The following TCF7L2 variants were observed in gnomAD, a reference collection of about 807,000 sequenced individuals.
TCF7L2 encodes transcription factor 7 like 2, also known as transcription factor 7-like 2.
Under a neutral mutation model 77.9 loss-of-function variants are expected in TCF7L2, and 23 were observed. The ratio of observed to expected loss-of-function variants is 0.30; its 90% CI spans 0.21 to 0.42. TCF7L2 has a LOEUF of 0.42. TCF7L2 is among the 10% of genes least tolerant of loss of function. The pLI is 1.00. For synonymous variants in TCF7L2, 413 were observed against 340.2 expected (o/e 1.21, Z -2.36); for missense variants, 654 against 793.1 (o/e 0.82, Z 2.11).
At chr10:113,053,428 G>A (rs924100838) in intron 5 of TCF7L2, among the ~76,000 whole-genome samples, 6 of 152,130 alleles carry the variant, frequency 3.9e-5, no homozygotes, top group South Asian at 2.1e-4. Context: ...CCTGCTGGGC[G>A]CAGGCGTGTG....
At chr10:113,050,664 C>T (rs1564827460) in intron 5 of TCF7L2, among the ~76,000 whole-genome samples, 1 of 152,064 alleles carries the variant, frequency 6.6e-6, no homozygotes, top group Admixed American at 6.5e-5. Flanking sequence ...AGGTAGCAGC[C>T]CCCTTCAGCC....
chr10:113,030,913 T>G (rs2050098821), intron 4 of TCF7L2, among the ~76,000 whole-genome samples: 1 of 152,178 alleles, frequency 6.6e-6, no homozygotes, highest in Non-Finnish European at 1.5e-5. Context: ...CCTCTTTTGG[T>G]CACTATGGAA....
intron 5 of TCF7L2, among the ~76,000 whole-genome samples, chr10:113,106,638 G>A (rs999222663): frequency 5.9e-5 from 9 of 152,150 alleles, no homozygotes; most frequent in African/African-American, 1.7e-4. Flanking sequence ...AAAGGTTAAC[G>A]AGAAAGCAGT....
intron 5 of TCF7L2, among the ~76,000 whole-genome samples, chr10:113,083,797 A>G (rs184134486): frequency 2.6e-4 from 40 of 152,300 alleles, no homozygotes; most frequent in Non-Finnish European, 4.4e-5. Flanking sequence ...GGCCCTTAGC[A>G]ATATCCTTCT....
At chr10:113,118,164 G>GT (rs1403335618) in intron 5 of TCF7L2, among the ~76,000 whole-genome samples, 8 of 151,898 alleles carry the variant, frequency 5.3e-5, no homozygotes, top group African/African-American at 1.9e-4. Context: ...AACCCTTGAT[G>GT]TTTTTTATTA....
intron 5 of TCF7L2, among the ~76,000 whole-genome samples, chr10:113,102,112 A>C (rs7904710): frequency 0.45 from 2,563 of 5,700 alleles, 171 homozygotes; most frequent in Admixed American, 0.48. Flanking sequence ...TGACTCCATC[A>C]AAAAAAAAAA....
intron 5 of TCF7L2, among the ~76,000 whole-genome samples, chr10:113,069,919 G>A (rs1340304747): frequency 2.6e-5 from 4 of 152,028 alleles, no homozygotes; most frequent in South Asian, 4.2e-4. Context: ...ATGGCTGGTC[G>A]GTGTCAGGGA....
chr10:113,081,713 C>A (rs754251479), intron 5 of TCF7L2, among the ~76,000 whole-genome samples: 5 of 152,142 alleles, frequency 3.3e-5, no homozygotes, highest in Admixed American at 6.5e-5. Flanking sequence ...ATCCCTGTTG[C>A]GGAAAACAAA....
intron 5 of TCF7L2, among the ~76,000 whole-genome samples, chr10:113,081,866 G>T (rs2059346326): frequency 1.3e-5 from 2 of 152,096 alleles, no homozygotes; most frequent in Admixed American, 1.3e-4. Flanking sequence ...TCGCTCTGTT[G>T]CCCAGGCTGC....
At chr10:113,005,678 C>T (rs1337093901) in intron 4 of TCF7L2, among the ~76,000 whole-genome samples, 1 of 152,028 alleles carries the variant, frequency 6.6e-6, no homozygotes. Flanking sequence ...GAGGCTTGCT[C>T]CAGAAAGGTG....
intron 5 of TCF7L2, among the ~76,000 whole-genome samples, chr10:113,103,497 G>T (rs140359897): frequency 6.6e-6 from 1 of 152,166 alleles, no homozygotes; most frequent in East Asian, 1.9e-4. Context: ...AGGCCATTTG[G>T]TAGAATGATT....
intron 12 of TCF7L2, among the ~76,000 whole-genome samples, chr10:113,159,688 T>C (rs1436686338): frequency 6.6e-6 from 1 of 152,156 alleles, no homozygotes; most frequent in South Asian, 2.1e-4. Flanking sequence ...ATTTCAAAAG[T>C]TGAATAAGAA....
intron 4 of TCF7L2, among the ~76,000 whole-genome samples, chr10:112,969,282 T>C (rs1328125964): frequency 6.6e-6 from 1 of 152,226 alleles, no homozygotes; most frequent in African/African-American, 2.4e-5. Flanking sequence ...AGCATATGTC[T>C]GTGAGTTTCA....
At chr10:113,118,618 G>A (rs1177965056) in intron 5 of TCF7L2, among the ~76,000 whole-genome samples, 1 of 150,850 alleles carries the variant, frequency 6.6e-6, no homozygotes, top group African/African-American at 2.4e-5. Context: ...GGCCCTACCA[G>A]GAGAGGCTGC....
intron 4 of TCF7L2, among the ~76,000 whole-genome samples, chr10:113,036,132 AT>A (rs1440554980): frequency 2.7e-5 from 4 of 149,466 alleles, no homozygotes; most frequent in South Asian, 2.1e-4. Flanking sequence ...CATCATCATC[AT>A]CATCATCATC....
intron 13 of TCF7L2, among the ~76,000 whole-genome samples, chr10:113,164,747 GT>G (rs2073804643): frequency 6.6e-6 from 1 of 150,938 alleles, no homozygotes. Flanking sequence ...CCTGTTTTTG[GT>G]GGTTTCTTTT....
intron 5 of TCF7L2, among the ~76,000 whole-genome samples, chr10:113,054,966 C>T (rs1410788235): frequency 2.6e-5 from 4 of 151,980 alleles, no homozygotes; most frequent in African/African-American, 9.7e-5. Flanking sequence ...TTTAACTGCT[C>T]TGTAGTATTT....
intron 4 of TCF7L2, among the ~76,000 whole-genome samples, chr10:112,991,638 CTT>C (rs963249090): frequency 6.6e-6 from 1 of 152,202 alleles, no homozygotes; most frequent in African/African-American, 2.4e-5. Flanking sequence ...AGCCAGCTCT[CTT>C]TAGATGGTCC....
At chr10:113,098,824 G>C (rs1384050508) in intron 5 of TCF7L2, among the ~76,000 whole-genome samples, 1 of 152,326 alleles carries the variant, frequency 6.6e-6, no homozygotes, top group East Asian at 1.9e-4. Context: ...CACCACGTAG[G>C]ACACAGAACA....
Sources: gnomAD v4.1 joint callset for allele counts (sites outside exome capture counted in the v4.1 genomes callset) on GRCh38, gnomAD v4.1.1 for gene constraint, MANE v1.5 for transcripts, NCBI Gene and HGNC (gene_info 2026-07-23, HGNC 2026-07-21) for gene names.